Variants in HACE1 observed in about 807,000 individuals in gnomAD.
The protein encoded by HACE1 is E3 ubiquitin-protein ligase HACE1.
HACE1 carries 73 observed loss-of-function variants against 118.4 expected under a neutral mutation model. The observed-to-expected ratio is 0.62, with a 90% CI of 0.51 to 0.75. HACE1 has a LOEUF of 0.75. Ranked by LOEUF, HACE1 falls within the 30% of genes least tolerant of loss-of-function variation. HACE1 has a pLI of 0.00. For missense variants in HACE1, 749 were observed against 1,102.2 expected, an observed-to-expected ratio of 0.68 and a Z score of 4.54; for synonymous variants, 368 against 374.8, an observed-to-expected ratio of 0.98 and a Z score of 0.21.
At chr6:104,807,800 AT>A (rs1197109829) in intron 7 of HACE1, among the ~76,000 whole-genome samples, 1 of 152,202 alleles carries the variant, frequency 6.6e-6, no homozygotes, top group East Asian at 1.9e-4. Context: ...TGTCCAGAGT[AT>A]CCAGAGAAGA....
At chr6:104,751,715 G>C (rs1430319826) in intron 19 of HACE1, among the ~76,000 whole-genome samples, 2 of 151,948 alleles carry the variant, frequency 1.3e-5, no homozygotes, top group Admixed American at 6.6e-5. Flanking sequence ...GAGAGAGAAA[G>C]AGTATGTGCC....
chr6:104,742,604 A>G (rs1337042349), intron 22 of HACE1, among the ~76,000 whole-genome samples: 1 of 151,572 alleles, frequency 6.6e-6, no homozygotes, highest in Admixed American at 6.6e-5. Context: ...AATCAAAACC[A>G]CAATGAGATA....
chr6:104,759,739 C>G (rs1779123782), intron 19 of HACE1, among the ~76,000 whole-genome samples: 1 of 152,074 alleles, frequency 6.6e-6, no homozygotes, highest in Non-Finnish European at 1.5e-5. Flanking sequence ...AAAAACCCTT[C>G]AAACAAATCA....
chr6:104,729,575 T>C lies in HACE1; in HGVS notation c.*87A>G. ...ATCAGCCCTGCCTATGGGTTGCATT[T>C]AGGCTGCTTTTTTGTTGACATTTTC... On this transcript the variant is annotated 3_prime_UTR_variant, in exon 24 of 24. Transcript: ENST00000262903. 2 of 778,684 alleles carry C rather than the reference T, an allele frequency of 2.6e-6. No individual in the cohort carries two copies. The highest frequency in any genetic ancestry group is 2.7e-5 in the South Asian group (2 of 73,674). 48.2% of individuals were successfully genotyped at this position (778,684 alleles called of 1,614,324 possible).
intron 6 of HACE1, among the ~76,000 whole-genome samples, chr6:104,819,834 T>C (rs1772505160): frequency 1.3e-5 from 2 of 152,164 alleles, no homozygotes; most frequent in African/African-American, 2.4e-5. Context: ...TGGTTAGCTA[T>C]AGGAAAACAA....
intron 3 of HACE1, among the ~76,000 whole-genome samples, chr6:104,849,498 T>C (rs560395154): frequency 9.0e-6 from 1 of 111,164 alleles, no homozygotes; most frequent in East Asian, 3.2e-4. Context: ...CCACCACAAT[T>C]GGGTAATTTT....
chr6:104,825,674 C>T (rs1454982259), intron 6 of HACE1, among the ~76,000 whole-genome samples: 2 of 152,124 alleles, frequency 1.3e-5, no homozygotes, highest in Non-Finnish European at 2.9e-5. Flanking sequence ...CACCAAGTGG[C>T]CAATGGGAAA....
At chr6:104,765,893 T>C (rs151043749) in intron 19 of HACE1, among the ~76,000 whole-genome samples, 4 of 152,218 alleles carry the variant, frequency 2.6e-5, no homozygotes, top group African/African-American at 7.2e-5. Flanking sequence ...TCAAGTTATA[T>C]AGTGTGGTCA....
intron 14 of HACE1, among the ~76,000 whole-genome samples, chr6:104,781,382 A>T (rs1269711646): frequency 1.3e-5 from 2 of 152,138 alleles, no homozygotes; most frequent in African/African-American, 4.8e-5. Flanking sequence ...GGCTTATTTT[A>T]TACTTTCCCT....
intron 11 of HACE1, among the ~76,000 whole-genome samples, chr6:104,790,476 G>C (rs1223607772): frequency 6.6e-6 from 1 of 152,148 alleles, no homozygotes; most frequent in Non-Finnish European, 1.5e-5. Flanking sequence ...AAGTTGGCTG[G>C]GTGCAGTGGC....
Position 104,814,109 on chromosome 6 carries a change from C to T in HACE1, c.535-2716G>A, listed in dbSNP as rs772482886. ...TGAATCAATCAAGGGAGACATACTGCAGAAAATAAGAATAAAGAAAAGAAA... is the reference window on the plus strand; with the variant it reads ...TGAATCAATCAAGGGAGACATACTGTAGAAAATAAGAATAAAGAAAAGAAA... On this transcript the variant is annotated intron_variant, in intron 6 of 23. Transcript: ENST00000262903. Among the ~76,000 whole-genome samples, 4 of 136,716 alleles carry T rather than the reference C, an allele frequency of 2.9e-5. 1 individual carries two copies. Among genetic ancestry groups the T allele is most frequent in the Non-Finnish European group, 6.3e-5 (4 of 63,968 alleles). The allele number at this position is 136,716 out of a possible 152,430, so 89.7% of individuals were successfully genotyped here.
intron 6 of HACE1, among the ~76,000 whole-genome samples, chr6:104,822,201 A>C (rs898671817): frequency 3.6e-5 from 2 of 55,150 alleles, no homozygotes; most frequent in Non-Finnish European, 7.7e-5. Context: ...CCCCGTCTCT[A>C]CTAAAAAAAA....
rs1349909013 is a variant in HACE1, at chr6:104,859,727, C to G, written c.-85G>C. 2.6e-5 allele frequency: 32 copies of G among 1,245,246 alleles called. No homozygotes were observed. Among genetic ancestry groups the G allele is most frequent in the Non-Finnish European group, 3.6e-5 (32 of 899,064 alleles). 77.1% of individuals were successfully genotyped at this position (1,245,246 alleles called of 1,614,324 possible). A position where few individuals can be genotyped will look rare whatever the true frequency, so the allele number is the denominator to read the frequency against. ...CAGAGCCCTACATCTCGCCTGGGCCCGTCCAGCAGGCGGAGACGCGGGCTT... is the reference window on the plus strand; with the variant it reads ...CAGAGCCCTACATCTCGCCTGGGCCGGTCCAGCAGGCGGAGACGCGGGCTT... On this transcript the variant is annotated 5_prime_UTR_variant, in exon 1 of 24. Transcript: ENST00000262903.
At chr6:104,855,455 A>T (rs972641083) in intron 1 of HACE1, among the ~76,000 whole-genome samples, 2 of 152,128 alleles carry the variant, frequency 1.3e-5, no homozygotes, top group Non-Finnish European at 2.9e-5. Flanking sequence ...AAAAAAAAAT[A>T]AAAAATAAAG....
rs1446816770 is a variant in HACE1, at chr6:104,756,418, A to AC, written c.2212-5947_2212-5946insG. ...CAGAGCCAGATTCCATCTCAAAAAA[A>AC]AAAAAAAAATATATATATATATATA... On this transcript the variant is annotated intron_variant, in intron 19 of 23. Coordinates refer to ENST00000262903, the MANE Select transcript of HACE1 (RefSeq NM_020771.4). Among the ~76,000 whole-genome samples, 3 of 125,308 alleles carry AC rather than the reference A, an allele frequency of 2.4e-5. No homozygotes were observed. In the Admixed American group the frequency reaches 2.5e-4, roughly 10 times the overall value. 82.2% of individuals were successfully genotyped at this position (125,308 alleles called of 152,430 possible). A position where few individuals can be genotyped will look rare whatever the true frequency, so the allele number is the denominator to read the frequency against.
intron 5 of HACE1, among the ~76,000 whole-genome samples, chr6:104,836,503 A>T (rs1774555742): frequency 6.6e-6 from 1 of 152,130 alleles, no homozygotes; most frequent in African/African-American, 2.4e-5. Flanking sequence ...ACCGGAGGTC[A>T]GGAGTTCAAG....
intron 7 of HACE1, among the ~76,000 whole-genome samples, chr6:104,810,596 G>A (rs1771493195): frequency 6.6e-6 from 1 of 151,786 alleles, no homozygotes; most frequent in Non-Finnish European, 1.5e-5. Context: ...TATGTGTGTG[G>A]GTGTGGGTGT....
intron 19 of HACE1, among the ~76,000 whole-genome samples, chr6:104,765,444 A>C (rs1353409353): frequency 6.6e-6 from 1 of 152,216 alleles, no homozygotes; most frequent in Non-Finnish European, 1.5e-5. Context: ...CATCAGCTGT[A>C]GTCAGTGTCT....
At chr6:104,803,859 A>C (rs1770684130) in intron 7 of HACE1, among the ~76,000 whole-genome samples, 1 of 152,194 alleles carries the variant, frequency 6.6e-6, no homozygotes, top group Non-Finnish European at 1.5e-5. Context: ...TGGAAGTTCT[A>C]GCCAGGGCAA....
Sources: gnomAD v4.1 joint callset for allele counts (sites outside exome capture counted in the v4.1 genomes callset) on GRCh38, gnomAD v4.1.1 for gene constraint, MANE v1.5 for transcripts, NCBI Gene and HGNC (gene_info 2026-07-23, HGNC 2026-07-21) for gene names.